Variants in CCDC178 observed in about 807,000 individuals in gnomAD.
The protein encoded by CCDC178 is coiled-coil domain containing 178, also known as coiled-coil domain-containing protein 178.
Under a neutral mutation model 117.4 loss-of-function variants are expected in CCDC178, and 126 were observed. That is an observed-to-expected ratio of 1.07 (90% confidence interval 0.93 to 1.24). The LOEUF (loss-of-function observed/expected upper bound fraction) is 1.24. CCDC178 is among the 50% of genes most tolerant of loss of function. The pLI, the probability that CCDC178 is intolerant of heterozygous loss-of-function variation, is 0.00. For synonymous variants in CCDC178, 283 were observed against 313.4 expected (o/e 0.90, Z 1.02); for missense variants, 1,030 against 986.9 (o/e 1.04, Z -0.59).
chr18:33,100,169 A>C (rs984765368), intron 20 of CCDC178, among the ~76,000 whole-genome samples: 1 of 151,774 alleles, frequency 6.6e-6, no homozygotes, highest in African/African-American at 2.4e-5. Context: ...GCCCTACCCC[A>C]GCTCCCAACT....
intron 20 of CCDC178, among the ~76,000 whole-genome samples, chr18:33,194,460 A>G (rs1232778310): frequency 6.6e-6 from 1 of 152,092 alleles, no homozygotes; most frequent in African/African-American, 2.4e-5. Context: ...TGGGCAAGTC[A>G]ATGCTTACCC....
At chr18:33,184,860 G>T (rs778151849) in intron 20 of CCDC178, among the ~76,000 whole-genome samples, 4 of 151,994 alleles carry the variant, frequency 2.6e-5, no homozygotes, top group Admixed American at 6.6e-5. Flanking sequence ...GAGCAAAGTG[G>T]TCATTATTCA....
chr18:32,980,095 G>A (rs2055117315), intron 21 of CCDC178, among the ~76,000 whole-genome samples: 2 of 152,180 alleles, frequency 1.3e-5, no homozygotes, highest in South Asian at 4.1e-4. Flanking sequence ...AAAAAAACAT[G>A]ACACAACTTT....
At chr18:33,339,312 T>A (rs965455637) in intron 9 of CCDC178, among the ~76,000 whole-genome samples, 1 of 151,942 alleles carries the variant, frequency 6.6e-6, no homozygotes, top group African/African-American at 2.4e-5. Context: ...GTGGACTTTT[T>A]AAAAAGATAA....
chr18:33,363,027 A>C (rs1252965535), intron 6 of CCDC178, among the ~76,000 whole-genome samples: 1 of 151,682 alleles, frequency 6.6e-6, no homozygotes, highest in Non-Finnish European at 1.5e-5. Flanking sequence ...CATACTAATG[A>C]GATATTTTTA....
chr18:32,983,309 A>G, intron 21 of CCDC178: 1 of 1,531,140 alleles, frequency 6.5e-7, no homozygotes. Flanking sequence ...ATCTGATATA[A>G]TTGGCAGAGA....
At chr18:32,969,044 C>T (rs910887590) in intron 22 of CCDC178, among the ~76,000 whole-genome samples, 3 of 152,012 alleles carry the variant, frequency 2.0e-5, no homozygotes, top group African/African-American at 7.2e-5. Flanking sequence ...AGTAACAGAA[C>T]TGTAGGCACC....
intron 21 of CCDC178, chr18:32,983,162 G>A: frequency 1.7e-6 from 1 of 600,404 alleles, no homozygotes; most frequent in Non-Finnish European, 2.8e-6. Context: ...CCACTTCTCA[G>A]TACACTGGAG....
intron 21 of CCDC178, among the ~76,000 whole-genome samples, chr18:33,090,586 T>C (rs2057448556): frequency 6.6e-6 from 1 of 152,210 alleles, no homozygotes; most frequent in Admixed American, 6.5e-5. Flanking sequence ...CTGTAAGCAG[T>C]GCATTAGACG....
intron 2 of CCDC178, among the ~76,000 whole-genome samples, chr18:33,432,502 C>T (rs1379237618): frequency 6.6e-6 from 1 of 151,608 alleles, no homozygotes. Flanking sequence ...CACACACACA[C>T]ACACACACAC....
At chr18:33,079,595 A>G (rs774427676) in intron 21 of CCDC178, among the ~76,000 whole-genome samples, 2 of 151,992 alleles carry the variant, frequency 1.3e-5, no homozygotes, top group Non-Finnish European at 2.9e-5. Flanking sequence ...AAAACAAACA[A>G]CCCATTAAAA....
chr18:33,194,720 C>T (rs1340166623), intron 20 of CCDC178, among the ~76,000 whole-genome samples: 1 of 151,838 alleles, frequency 6.6e-6, no homozygotes, highest in East Asian at 1.9e-4. Context: ...CTTCTTGACT[C>T]ATTTCTCTGG....
At chr18:33,102,473 G>C (rs1443895404) in intron 20 of CCDC178, among the ~76,000 whole-genome samples, 1 of 150,968 alleles carries the variant, frequency 6.6e-6, no homozygotes, top group African/African-American at 2.4e-5. Context: ...GGAGATTCAG[G>C]GTCAGAAAAC....
intron 6 of CCDC178, among the ~76,000 whole-genome samples, chr18:33,363,900 T>C (rs2063163352): frequency 6.6e-6 from 1 of 152,120 alleles, no homozygotes; most frequent in Admixed American, 6.6e-5. Flanking sequence ...ATTGTTCCCA[T>C]AGAATCTTGT....
intron 21 of CCDC178, among the ~76,000 whole-genome samples, chr18:33,056,491 A>T (rs1296727376): frequency 6.6e-6 from 1 of 152,194 alleles, no homozygotes; most frequent in Non-Finnish European, 1.5e-5. Flanking sequence ...CCCCTATTAA[A>T]AATGATTTTT....
chr18:32,996,793 G>A (rs1437393712), intron 21 of CCDC178, among the ~76,000 whole-genome samples: 2 of 151,770 alleles, frequency 1.3e-5, no homozygotes. Flanking sequence ...TTAAAATGTA[G>A]TATAAAAAAT....
chr18:33,415,610 C>A (rs900323029), intron 2 of CCDC178, among the ~76,000 whole-genome samples: 7 of 151,942 alleles, frequency 4.6e-5, no homozygotes, highest in Non-Finnish European at 1.0e-4. Flanking sequence ...GACGAGTTAA[C>A]GGGTGCAGCA....
chr18:33,268,464 C>T (rs1306374445), intron 12 of CCDC178, among the ~76,000 whole-genome samples: 1 of 151,628 alleles, frequency 6.6e-6, no homozygotes, highest in East Asian at 1.9e-4. Flanking sequence ...CATATAATAA[C>T]AAAAGTAATG....
intron 15 of CCDC178, 22 bp downstream of exon 15, chr18:33,245,223 G>T: frequency 6.6e-7 from 1 of 1,520,348 alleles, no homozygotes. Flanking sequence ...TCATGAGTAA[G>T]AGGAACACAA....
Sources: gnomAD v4.1 joint callset for allele counts (sites outside exome capture counted in the v4.1 genomes callset) on GRCh38, gnomAD v4.1.1 for gene constraint, MANE v1.5 for transcripts, NCBI Gene and HGNC (gene_info 2026-07-23, HGNC 2026-07-21) for gene names.